The following SLC4A9 variants were observed in gnomAD, a reference collection of about 807,000 sequenced individuals.
The protein encoded by SLC4A9 is solute carrier family 4 member 9.
A neutral mutation model predicts 103.2 loss-of-function variants in SLC4A9; 102 were observed. The observed-to-expected ratio is 0.99, with a 90% CI of 0.84 to 1.17. The LOEUF is 1.17. SLC4A9 is among the 50% of genes most tolerant of loss of function. The pLI is 0.00. For synonymous variants in SLC4A9, 453 were observed against 483.6 expected (o/e 0.94, Z 0.83); for missense variants, 1,091 against 1,193.7 (o/e 0.91, Z 1.27).
chr5:140,370,459 C>A, intron 17 of SLC4A9, among the ~76,000 whole-genome samples: 1 of 144,848 alleles, frequency 6.9e-6, no homozygotes, highest in African/African-American at 2.6e-5. Flanking sequence ...AACGAAACTC[C>A]ACCTCAAAAA....
chr5:140,370,569 G>C (rs1768563611), intron 17 of SLC4A9, among the ~76,000 whole-genome samples: 1 of 152,144 alleles, frequency 6.6e-6, no homozygotes, highest in African/African-American at 2.4e-5. Flanking sequence ...AGATGATTAA[G>C]AGTGCCAGGG....
chr5:140,361,004 G>T, intron 2 of SLC4A9, 32 bp downstream of exon 2: 1 of 1,521,512 alleles, frequency 6.6e-7, no homozygotes, highest in Non-Finnish European at 8.9e-7. Flanking sequence ...GAAGGGCCTG[G>T]GTAGCCATGC....
rs754529343 is a variant in SLC4A9, at chr5:140,363,904, T to G, written c.1254+2T>G. 1.9e-6 allele frequency: 3 copies of G among 1,613,354 alleles called. No homozygotes were observed. Among genetic ancestry groups the G allele is most frequent in the Non-Finnish European group, 2.5e-6 (3 of 1,179,700 alleles). On this transcript the variant is annotated splice_donor_variant, in intron 9 of 21. Coordinates refer to ENST00000506757, the MANE Select transcript of SLC4A9 (RefSeq NM_031467.3). LOFTEE classifies it high-confidence loss of function. The surrounding 1 kb of genome is among the most constrained non-coding windows in gnomAD (Gnocchi z 4.5). Reference sequence around the variant, plus strand: ...GGAGATGCCACTGATGGTGCCCAGGTGGGTAGGGCCCAGGGGGCAGGCACA... The same window carrying G: ...GGAGATGCCACTGATGGTGCCCAGGGGGGTAGGGCCCAGGGGGCAGGCACA...
chr5:140,368,496 C>T (rs887589251), intron 16 of SLC4A9, 91 bp from the exon 17 acceptor site: 15 of 1,052,300 alleles, frequency 1.4e-5, no homozygotes, highest in African/African-American at 3.2e-5. Context: ...CTCTTGCTGC[C>T]GGGGTCTGTA....
At position 140,367,567 on chromosome 5, in the gene SLC4A9, G is replaced by A; in HGVS notation, c.2161G>A (p.Glu721Lys). 6.2e-7 allele frequency: 1 copy of A among 1,603,710 alleles called. No homozygotes were observed. The highest frequency in any genetic ancestry group is 8.5e-7 in the Non-Finnish European group (1 of 1,175,254). The change falls in exon 15 of 22, where the codon GAA becomes AAA. Residue 721 changes from glutamate (E) to lysine (K), a missense_variant. Glu to Lys is a moderately conservative substitution (Grantham distance 56, BLOSUM62 1). Transcript: ENST00000506757. ...QITAVILNRM[E>K]YRLQKGAGFH... ...CACAGCAGTCATCCTCAACCGCATG[G>A]AATACAGACTGCAGGTAAGGCCTGC...
Position 140,367,714 on chromosome 5 carries a change from C to G in SLC4A9, c.2176-6C>G. The stretch of plus-strand genomic sequence containing the variant: ...TCATCCTCATTGCCCCCACCACTAC[C>G]TGCAGAAGGGAGCTGGCTTCCACCT... On this transcript the variant is annotated splice_region_variant and splice_polypyrimidine_tract_variant and intron_variant, in intron 15 of 21. Coordinates refer to ENST00000506757, the MANE Select transcript of SLC4A9 (RefSeq NM_031467.3). 1 of 1,613,872 alleles carries G rather than the reference C, an allele frequency of 6.2e-7. No individual in the cohort carries two copies. Among genetic ancestry groups the G allele is most frequent in the Non-Finnish European group, 8.5e-7 (1 of 1,179,782 alleles).
rs755130855 is a variant in SLC4A9 at position 140,364,329 on chromosome 5, G to T, written c.1389-34G>T. 5 of 1,610,486 alleles carry T rather than the reference G, an allele frequency of 3.1e-6. No individual in the cohort carries two copies. In the African/African-American group the frequency reaches 6.7e-5, roughly 22 times the overall value. On this transcript the variant is annotated intron_variant, in intron 10 of 21. Coordinates refer to ENST00000506757, the MANE Select transcript of SLC4A9 (RefSeq NM_031467.3). ...GGTTTAGTGGGAAGCAGACAGCCCT[G>T]CTAAGCCAGCCTTCCTGTCTCTCAT...
intron 17 of SLC4A9, among the ~76,000 whole-genome samples, chr5:140,369,644 A>C (rs1447151199): frequency 6.6e-6 from 1 of 151,392 alleles, no homozygotes; most frequent in African/African-American, 2.4e-5. Context: ...GGAAAGAGCC[A>C]GATGGACCGG....
chr5:140,363,932 C>G lies in SLC4A9; in HGVS notation c.1254+30C>G, dbSNP rs1269473018. ...GTAGGGCCCAGGGGGCAGGCACAAGCGTTGGTGTCCCCTAGTCCATCCCTT... is the reference window on the plus strand; with the variant it reads ...GTAGGGCCCAGGGGGCAGGCACAAGGGTTGGTGTCCCCTAGTCCATCCCTT... On this transcript the variant is annotated intron_variant, in intron 9 of 21. Coordinates refer to ENST00000506757, the MANE Select transcript of SLC4A9 (RefSeq NM_031467.3). This position sits in a 1 kb window ranked among gnomAD's most constrained non-coding sequence, Gnocchi z 4.5. 4 of 1,608,568 alleles carry G rather than the reference C, an allele frequency of 2.5e-6. No homozygotes were observed. The Admixed American group carries it at 6.7e-5, about 27-fold the overall frequency.
Position 140,361,851 on chromosome 5 carries a change from C to T in SLC4A9, c.549C>T (p.Pro183=). 1 of 1,613,978 alleles carries T rather than the reference C, an allele frequency of 6.2e-7. No homozygotes were observed. The highest frequency in any genetic ancestry group is 1.6e-4 in the Middle Eastern group (1 of 6,062). Residue 183 remains proline (P), a synonymous_variant, in exon 4 of 22, where the codon CCC becomes CCT. Coordinates refer to ENST00000506757, the MANE Select transcript of SLC4A9 (RefSeq NM_031467.3). ...PRKASDNEEA[P]LREQCQNPLR... Reference sequence around the variant, plus strand: ...AGGCTTCTGACAATGAGGAAGCCCCCCTGAGGGAACAGGTTTGTGGCCCTT... The same window carrying T: ...AGGCTTCTGACAATGAGGAAGCCCCTCTGAGGGAACAGGTTTGTGGCCCTT...
chr5:140,366,393 T>C, intron 14 of SLC4A9, 129 bp downstream of exon 14: 2 of 673,412 alleles, frequency 3.0e-6, no homozygotes, highest in Non-Finnish European at 5.0e-6. Flanking sequence ...GAGATAGTAA[T>C]AATAATGGCC....
intron 16 of SLC4A9, 100 bp downstream of exon 16, chr5:140,367,998 T>C: frequency 7.8e-7 from 1 of 1,279,740 alleles, no homozygotes; most frequent in South Asian, 1.4e-5. Context: ...TCTAAGCTGG[T>C]GTCCCACAAG....
chr5:140,362,545 G>GGT lies in SLC4A9; in HGVS notation c.807+25_807+26dup, dbSNP rs745338415. 20 of 1,612,362 alleles carry GGT rather than the reference G, an allele frequency of 1.2e-5. No individual in the cohort carries two copies. The highest frequency in any genetic ancestry group is 1.4e-5 in the Non-Finnish European group (16 of 1,178,564). On this transcript the variant is annotated intron_variant, in intron 6 of 21. Transcript: ENST00000506757. Reference sequence around the variant, plus strand: ...CCTCAGTGACCCGGTGAGCTGAGCAGGTGTGTGTGTGTGCGCGCGCACGCG... The same window carrying GGT: ...CCTCAGTGACCCGGTGAGCTGAGCAGGTGTGTGTGTGTGTGCGCGCGCACGCG...
chr5:140,366,462 A>C (rs1174506322), intron 14 of SLC4A9, among the ~76,000 whole-genome samples, 198 bp downstream of exon 14: 1 of 152,236 alleles, frequency 6.6e-6, no homozygotes, highest in Non-Finnish European at 1.5e-5. Context: ...AGTACAGAGA[A>C]TACACGGTAG....
At position 140,366,281 on chromosome 5, in the gene SLC4A9, A is replaced by C; in HGVS notation, c.2013+17A>C. 1 of 1,557,192 alleles carries C rather than the reference A, an allele frequency of 6.4e-7. No homozygotes were observed. Among genetic ancestry groups the C allele is most frequent in the Non-Finnish European group, 8.7e-7 (1 of 1,146,520 alleles). Reference sequence around the variant, plus strand: ...GAGTTCAAGGTGAGAGCCAGGGAAGAGGGTTGGGGGACCAGAGGGGAAAGC... The same window carrying C: ...GAGTTCAAGGTGAGAGCCAGGGAAGCGGGTTGGGGGACCAGAGGGGAAAGC... On this transcript the variant is annotated intron_variant, in intron 14 of 21. Coordinates refer to ENST00000506757, the MANE Select transcript of SLC4A9 (RefSeq NM_031467.3).
At position 140,370,201 on chromosome 5, in the gene SLC4A9, C is replaced by T. The variant is rs368477554; in HGVS notation, c.2428-894C>T. 3.1e-3 allele frequency among the ~76,000 whole-genome samples: 473 copies of T among 152,170 alleles called. 4 individuals are homozygous for T. Among genetic ancestry groups the T allele is most frequent in the African/African-American group, 0.011 (458 of 41,518 alleles). The stretch of plus-strand genomic sequence containing the variant: ...ACAAGAAGCCAGGCACGGTGGCTCA[C>T]GCCTGTAATCCCAGCACTTTGGGAG... On this transcript the variant is annotated intron_variant, in intron 17 of 21. Coordinates refer to ENST00000506757, the MANE Select transcript of SLC4A9 (RefSeq NM_031467.3).
chr5:140,367,965 A>C, intron 16 of SLC4A9, 67 bp downstream of exon 16: 1 of 1,548,620 alleles, frequency 6.5e-7, no homozygotes, highest in South Asian at 1.1e-5. Context: ...GGAACATGGC[A>C]GAGTTACTTG....
rs768525652 is a variant in SLC4A9 at position 140,365,831 on chromosome 5, C to G, written c.1711-3C>G. 6.2e-7 allele frequency: 1 copy of G among 1,612,806 alleles called. No individual in the cohort carries two copies. Among genetic ancestry groups the G allele is most frequent in the Admixed American group, 1.7e-5 (1 of 59,958 alleles). ...ACTCCACTCCTGACCCTCCTGTGTA[C>G]AGGACTTAGGCCTGATCAATGCATC... On this transcript the variant is annotated splice_region_variant and splice_polypyrimidine_tract_variant and intron_variant, in intron 12 of 21. Transcript: ENST00000506757.
rs1766862167 is a variant in SLC4A9 at position 140,360,262 on chromosome 5, A to C, written c.26A>C (p.Glu9Ala). The C allele has an allele frequency of 6.2e-7, 1 of 1,611,782 alleles. No homozygotes were observed. ...ATGGAAATGAAGCTGCCAGGCCAGG[A>C]AGGGTTTGAAGCCTCCAGTGCTCCT... MEMKLPGQ[E>A]GFEASSAPRN... The change falls in exon 1 of 22, where the codon GAA becomes GCA. Residue 9 changes from glutamate (E) to alanine (A), a missense_variant. By Grantham distance (107) the Glu-to-Ala change is moderately radical. Transcript: ENST00000506757.
Sources: gnomAD v4.1 joint callset for allele counts (sites outside exome capture counted in the v4.1 genomes callset) on GRCh38, gnomAD v4.1.1 for gene constraint, Gnocchi (gnomAD v3.1) non-coding constraint, MANE v1.5 for transcripts, NCBI Gene and HGNC (gene_info 2026-07-23, HGNC 2026-07-21) for gene names.